The following ZNF43 variants were observed in gnomAD, a reference collection of about 807,000 sequenced individuals.
ZNF43 encodes the protein zinc finger protein 39-like 1 (KOX 27).
A neutral mutation model predicts 68.4 loss-of-function variants in ZNF43; 44 were observed. The ratio of observed to expected loss-of-function variants is 0.64; its 90% CI spans 0.51 to 0.83. The LOEUF is 0.83. ZNF43 is among the 40% of genes least tolerant of loss of function. The pLI is 0.00. For missense variants in ZNF43, 896 were observed against 933.2 expected (o/e 0.96, Z 0.52); for synonymous variants, 308 against 307.8 (o/e 1.00, Z -0.01).
chr19:21,836,807 G>T (rs1025319404), upstream of ZNF43, among the ~76,000 whole-genome samples: 2 of 152,102 alleles, frequency 1.3e-5, no homozygotes, highest in Admixed American at 6.5e-5. Flanking sequence ...GCCCAGAATG[G>T]TCTCAAACTC....
rs995638852 is a variant in ZNF43 at position 21,805,847 on chromosome 19, T to G, written c.*1760A>C. The G allele has an allele frequency of 6.6e-5, 10 of 151,150 alleles. No homozygotes were observed. The highest frequency in any genetic ancestry group is 2.0e-4 in the Admixed American group (3 of 15,106). The allele number at this position is 151,150 out of a possible 1,614,324, so 9.4% of individuals were successfully genotyped here. ...CATTATGTTACCAAATAGTATATTG[T>G]TACCATCTTTTACATACACTCTTGA... On this transcript the variant is annotated 3_prime_UTR_variant, in exon 4 of 4. Coordinates refer to ENST00000354959, the MANE Select transcript of ZNF43 (RefSeq NM_003423.4).
At position 21,806,011 on chromosome 19, in the gene ZNF43, A is replaced by AT. The variant is rs1380986441; in HGVS notation, c.*1595dup. 2 of 152,172 alleles carry AT rather than the reference A, an allele frequency of 1.3e-5. No homozygotes were observed. Among genetic ancestry groups the AT allele is most frequent in the Non-Finnish European group, 2.9e-5 (2 of 68,022 alleles). 9.4% of individuals were successfully genotyped at this position (152,172 alleles called of 1,614,324 possible). Reference sequence around the variant, plus strand: ...GTACATTTAATTACATAAAATTACAATAAGTAAAATGACTTACTAATTTAA... The same window carrying AT: ...GTACATTTAATTACATAAAATTACAATTAAGTAAAATGACTTACTAATTTAA... On this transcript the variant is annotated 3_prime_UTR_variant, in exon 4 of 4. Transcript: ENST00000354959.
rs551016322 is a variant in ZNF43 at position 21,816,058 on chromosome 19, C to T, written c.229+1830G>A. On this transcript the variant is annotated intron_variant, in intron 3 of 3. Transcript: ENST00000354959. ...CCTGGGCAACAGAGCGAGACTCTGA[C>T]GCAAAAAAAAAAAAGAAAAGAAAAG... Among the ~76,000 whole-genome samples the T allele has an allele frequency of 1.3e-3, 191 of 141,716 alleles. 1 individual carries two copies. Among genetic ancestry groups the T allele is most frequent in the Admixed American group, 2.5e-3 (35 of 13,958 alleles). 93.0% of individuals were successfully genotyped at this position (141,716 alleles called of 152,430 possible). A position where few individuals can be genotyped will look rare whatever the true frequency, so the allele number is the denominator to read the frequency against.
intron 3 of ZNF43, among the ~76,000 whole-genome samples, chr19:21,816,164 C>T (rs1017915638): frequency 2.0e-5 from 3 of 152,052 alleles, no homozygotes; most frequent in Non-Finnish European, 4.4e-5. Flanking sequence ...TGCTTATCCC[C>T]ACAGAGCAAG....
intron 1 of ZNF43, chr19:21,850,825 A>T (rs1396110565): frequency 6.6e-6 from 1 of 152,200 alleles, no homozygotes; most frequent in Non-Finnish European, 1.5e-5. Context: ...AGCTGGAAAA[A>T]AGTCACATCT....
intron 1 of ZNF43, chr19:21,851,871 TC>T: frequency 6.4e-7 from 1 of 1,556,674 alleles, no homozygotes. Flanking sequence ...CAGCCTGCTC[TC>T]CCCTCTCGGG....
intron 1 of ZNF43, among the ~76,000 whole-genome samples, chr19:21,821,892 T>C (rs1034183478): frequency 1.3e-5 from 2 of 152,132 alleles, no homozygotes; most frequent in Non-Finnish European, 1.5e-5. Flanking sequence ...ACACAGCTCT[T>C]GATCTGAGAC....
At chr19:21,809,839 C>G in intron 3 of ZNF43, 32 bp from the exon 4 acceptor site, 1 of 1,486,376 alleles carries the variant, frequency 6.7e-7, no homozygotes, top group South Asian at 1.5e-5. Flanking sequence ...AATTATTCCA[C>G]TTGCTAGACT....
At chr19:21,834,481 G>A (rs1203775280) in intron 1 of ZNF43, among the ~76,000 whole-genome samples, 2 of 151,928 alleles carry the variant, frequency 1.3e-5, no homozygotes, top group African/African-American at 2.4e-5. Context: ...AATTTAGGCC[G>A]GACTCGGTGG....
At chr19:21,812,727 A>C (rs2037337531) in intron 3 of ZNF43, among the ~76,000 whole-genome samples, 1 of 152,046 alleles carries the variant, frequency 6.6e-6, no homozygotes. Context: ...GAGACAGGTG[A>C]ATCACCATAG....
chr19:21,809,900 G>T, intron 3 of ZNF43, 93 bp from the exon 4 acceptor site: 1 of 1,219,380 alleles, frequency 8.2e-7, no homozygotes, highest in African/African-American at 1.5e-5. Flanking sequence ...AGCTACATAA[G>T]CAAGATGTCA....
chr19:21,842,808 T>C (rs1967635565), intron 1 of ZNF43, among the ~76,000 whole-genome samples: 1 of 151,708 alleles, frequency 6.6e-6, no homozygotes, highest in Non-Finnish European at 1.5e-5. Flanking sequence ...CCCAGGCAAA[T>C]GTCATAATGT....
intron 1 of ZNF43, chr19:21,851,774 C>T (rs895016129): frequency 2.1e-4 from 207 of 993,746 alleles, no homozygotes; most frequent in Non-Finnish European, 2.7e-4. Flanking sequence ...CAGCCGCCAT[C>T]TTGCGGCCAG....
chr19:21,814,759 T>C (rs1018954612), intron 3 of ZNF43, among the ~76,000 whole-genome samples: 1 of 151,940 alleles, frequency 6.6e-6, no homozygotes, highest in Non-Finnish European at 1.5e-5. Context: ...GCATACAGAA[T>C]TGAAAATTGT....
Position 21,836,150 on chromosome 19 carries a change from A to T in ZNF43, c.-112T>A, listed in dbSNP as rs560479671. 2 of 1,579,570 alleles carry T rather than the reference A, an allele frequency of 1.3e-6. No individual in the cohort carries two copies. Among genetic ancestry groups the T allele is most frequent in the East Asian group, 4.5e-5 (2 of 44,500 alleles). The stretch of plus-strand genomic sequence containing the variant: ...CAGCAGAGGACACAGAAGAACGAAG[A>T]CGAGACGCAGAGCTCCAACTGCAGC... On this transcript the variant is annotated 5_prime_UTR_variant, in exon 1 of 4. Coordinates refer to ENST00000354959, the MANE Select transcript of ZNF43 (RefSeq NM_003423.4).
chr19:21,848,826 G>A (rs1968137767), intron 1 of ZNF43, among the ~76,000 whole-genome samples: 1 of 152,074 alleles, frequency 6.6e-6, no homozygotes, highest in Non-Finnish European at 1.5e-5. Flanking sequence ...TTGAACCTGT[G>A]CATAAGAGCC....
At chr19:21,815,508 T>TATATA (rs1568355553) in intron 3 of ZNF43, among the ~76,000 whole-genome samples, 1 of 148,898 alleles carries the variant, frequency 6.7e-6, no homozygotes, top group African/African-American at 2.5e-5. Context: ...TATATATATA[T>TATATA]TTTGCAGAAT....
Position 21,808,454 on chromosome 19 carries a change from T to C in ZNF43, c.1583A>G (p.His528Arg). Residue 528 changes from histidine to arginine, a missense_variant, in exon 4 of 4, where the codon CAT becomes CGT. Coordinates refer to ENST00000354959, the MANE Select transcript of ZNF43 (RefSeq NM_003423.4). Reference protein sequence around the residue: ...AFKWSSKLTEHKITHTGEKPY... With the variant: ...AFKWSSKLTERKITHTGEKPY... ...TTTCTCTCCAGTATGAGTTATCTTA[T>C]GTTCAGTAAGCTTTGAGGACCACTT... 2.5e-6 allele frequency: 4 copies of C among 1,613,436 alleles called. No individual in the cohort carries two copies. Among genetic ancestry groups the C allele is most frequent in the South Asian group, 1.1e-5 (1 of 91,076 alleles).
At chr19:21,846,317 C>T (rs1395089536) in intron 1 of ZNF43, among the ~76,000 whole-genome samples, 3 of 152,008 alleles carry the variant, frequency 2.0e-5, no homozygotes, top group African/African-American at 7.2e-5. Flanking sequence ...AGGTGATTGG[C>T]CCAGAGTTAT....
Sources: allele counts gnomAD v4.1 joint callset (sites outside exome capture counted in the v4.1 genomes callset), GRCh38; gene constraint gnomAD v4.1.1; transcripts MANE v1.5; gene names NCBI Gene and HGNC (gene_info 2026-07-23, HGNC 2026-07-21).